SCUBE1: variants seen among roughly 807,000 people sequenced by gnomAD.
The protein encoded by SCUBE1 is signal peptide, CUB domain and EGF like domain containing 1.
Under a neutral mutation model 124.4 loss-of-function variants are expected in SCUBE1, and 59 were observed. The ratio of observed to expected loss-of-function variants is 0.47; its 90% CI spans 0.38 to 0.59. The LOEUF (loss-of-function observed/expected upper bound fraction) is 0.59, where lower values mean the gene tolerates loss of function less well. Ranked by LOEUF, SCUBE1 falls within the 20% of genes least tolerant of loss-of-function variation. The pLI, the probability that SCUBE1 is intolerant of heterozygous loss-of-function variation, is 0.00. For missense variants in SCUBE1, 1,150 were observed against 1,371.2 expected, an observed-to-expected ratio of 0.84 and a Z score of 2.55; for synonymous variants, 545 against 550.9, an observed-to-expected ratio of 0.99 and a Z score of 0.15.
intron 11 of SCUBE1, 89 bp downstream of exon 11, chr22:43,223,008 T>G: frequency 8.2e-6 from 12 of 1,468,070 alleles, no homozygotes; most frequent in Non-Finnish European, 1.1e-5. Flanking sequence ...TCAGACTCTT[T>G]CCTGGAGGAC....
intron 3 of SCUBE1, among the ~76,000 whole-genome samples, chr22:43,294,174 C>T (rs762702187): frequency 1.3e-5 from 2 of 152,256 alleles, no homozygotes; most frequent in Non-Finnish European, 2.9e-5. Flanking sequence ...GCACCCTTTT[C>T]CCACTGCGGT....
At chr22:43,205,817 C>T (rs1482902161) in intron 21 of SCUBE1, among the ~76,000 whole-genome samples, 9 of 92,414 alleles carry the variant, frequency 9.7e-5, no homozygotes, top group Admixed American at 1.0e-4. Context: ...CACCCACTCA[C>T]CACTCACCCC....
Position 43,255,974 on chromosome 22 carries a change from G to A in SCUBE1, c.727+2245C>T, listed in dbSNP as rs972981573. Among the ~76,000 whole-genome samples, 2 of 152,160 alleles carry A rather than the reference G, an allele frequency of 1.3e-5. No individual in the cohort carries two copies. The highest frequency in any genetic ancestry group is 6.5e-5 in the Admixed American group (1 of 15,278). On this transcript the variant is annotated intron_variant, in intron 6 of 21. Transcript: ENST00000360835. This position sits in a 1 kb window ranked among gnomAD's most constrained non-coding sequence, Gnocchi z 4.7. ...GAGACACAAGTGATTACAGACCCCC[G>A]TGGCTCAGGCTGGAGAGGCAGGCAC...
At chr22:43,306,960 G>A (rs1326576464) in intron 3 of SCUBE1, among the ~76,000 whole-genome samples, 2 of 152,134 alleles carry the variant, frequency 1.3e-5, no homozygotes, top group Admixed American at 6.5e-5. Flanking sequence ...TGACCCCCAC[G>A]GCAGGTCTGT....
intron 19 of SCUBE1, among the ~76,000 whole-genome samples, chr22:43,208,477 TC>T (rs2146651897): frequency 6.6e-6 from 1 of 152,104 alleles, no homozygotes; most frequent in Non-Finnish European, 1.5e-5. Flanking sequence ...TCTCCCCCCA[TC>T]CCCTCCCAAG....
intron 3 of SCUBE1, among the ~76,000 whole-genome samples, chr22:43,305,209 G>A (rs1925923500): frequency 6.6e-6 from 1 of 152,190 alleles, no homozygotes; most frequent in Admixed American, 6.5e-5. Flanking sequence ...TCCACGCCCA[G>A]GTGACACTGG....
In SCUBE1 at chr22:43,291,054, C is replaced by T. The variant is rs763982453; in HGVS notation, c.476G>A (p.Arg159His). ...GCATAGGCTGTACTCACCATTGGAG[C>T]GGTGGATGCAGGTATGCTGGTTGTC... ...LSDNQHTCIHRSNEGMNCMNK... is the reference protein window; with the variant it reads ...LSDNQHTCIHHSNEGMNCMNK... The change falls in exon 4 of 22, where the codon CGC becomes CAC. Residue 159 changes from arginine to histidine, a missense_variant. Physicochemically the swap from Arg to His is conservative, Grantham distance 29. This residue lies in a region of SCUBE1 where 337 missense variants were observed against 482.1 expected (regional missense o/e 0.70). Transcript: ENST00000360835. 43 of 1,607,804 alleles carry T rather than the reference C, an allele frequency of 2.7e-5. No individual in the cohort carries two copies. Among genetic ancestry groups the T allele is most frequent in the Non-Finnish European group, 3.3e-5 (39 of 1,176,330 alleles).
chr22:43,218,362 T>C lies in SCUBE1; in HGVS notation c.1784A>G (p.Tyr595Cys), dbSNP rs1412768818. The C allele has an allele frequency of 6.2e-7, 1 of 1,613,360 alleles. No individual in the cohort carries two copies. The highest frequency in any genetic ancestry group is 8.5e-7 in the Non-Finnish European group (1 of 1,180,044). Residue 595 changes from tyrosine to cysteine, a missense_variant, in exon 15 of 22, where the codon TAT (tyrosine) becomes TGT (cysteine). Around this residue, in one of 3 missense-constraint regions of SCUBE1, gnomAD observed 757 missense variants for 840.9 expected, o/e 0.90. Transcript: ENST00000360835. ...LRKSIGRQQF[Y>C]VQVSGTEYEV... ...GTACTCAGTGCCTGAGACCTGGACA[T>C]AGAACTGCTGCCGGCCGATGGACTT...
At chr22:43,252,278 C>G (rs1923482492) in intron 6 of SCUBE1, among the ~76,000 whole-genome samples, 2 of 152,358 alleles carry the variant, frequency 1.3e-5, no homozygotes, top group Admixed American at 1.3e-4. Flanking sequence ...GAGGGCACTC[C>G]CCTCCCTCAC....
rs73886592 is a variant in SCUBE1, at chr22:43,312,836, C to T, written c.349+7101G>A. ...TCCCAAACTCACGGATAGATACAGG[C>T]GTGCATATCTAACACCCTACGACAA... On this transcript the variant is annotated intron_variant, in intron 3 of 21. Coordinates refer to ENST00000360835, the MANE Select transcript of SCUBE1 (RefSeq NM_173050.5). 6.0e-3 allele frequency among the ~76,000 whole-genome samples: 916 copies of T among 152,188 alleles called. 9 individuals carry two copies. Among genetic ancestry groups the T allele is most frequent in the African/African-American group, 0.021 (859 of 41,534 alleles).
At chr22:43,214,536 C>G (rs573197272) in intron 15 of SCUBE1, among the ~76,000 whole-genome samples, 1 of 152,330 alleles carries the variant, frequency 6.6e-6, no homozygotes, top group Admixed American at 6.5e-5. Context: ...TCCCCACCTC[C>G]CCCATACGTC....
intron 4 of SCUBE1, among the ~76,000 whole-genome samples, chr22:43,290,656 G>T (rs1460461456): frequency 6.6e-6 from 1 of 152,222 alleles, no homozygotes; most frequent in Non-Finnish European, 1.5e-5. Flanking sequence ...GTGCTGCCAG[G>T]CTCATGGAGA....
chr22:43,277,452 G>C (rs916171911), intron 4 of SCUBE1, among the ~76,000 whole-genome samples: 1 of 152,170 alleles, frequency 6.6e-6, no homozygotes, highest in Non-Finnish European at 1.5e-5. Context: ...CCTAGGCAGA[G>C]GGCAGCATGG....
At chr22:43,276,724 AGG>A (rs1389715293) in intron 4 of SCUBE1, among the ~76,000 whole-genome samples, 1 of 152,166 alleles carries the variant, frequency 6.6e-6, no homozygotes, top group Non-Finnish European at 1.5e-5. Context: ...GCTACGGTGT[AGG>A]GGGTGGGCAC....
At position 43,319,479 on chromosome 22, in the gene SCUBE1, C is replaced by T. The variant is rs573200676; in HGVS notation, c.349+458G>A. 6.1e-3 allele frequency among the ~76,000 whole-genome samples: 863 copies of T among 141,380 alleles called. 4 individuals are homozygous for T. Among genetic ancestry groups the T allele is most frequent in the African/African-American group, 0.022 (835 of 37,972 alleles). The allele number at this position is 141,380 out of a possible 152,430, so 92.8% of individuals were successfully genotyped here. On this transcript the variant is annotated intron_variant, in intron 3 of 21. Transcript: ENST00000360835. ...TTGGGAGGCTGAGGCAGGAGAATCA[C>T]TTGAACCCAGGAGGTGGAGGTTGCA...
chr22:43,239,066 C>A, intron 6 of SCUBE1, 112 bp from the exon 7 acceptor site: 1 of 809,778 alleles, frequency 1.2e-6, no homozygotes, highest in Non-Finnish European at 2.1e-6. Context: ...GGTTCAAGCT[C>A]TGGCTCTGAT....
chr22:43,315,778 T>A (rs1347206141), intron 3 of SCUBE1, among the ~76,000 whole-genome samples: 1 of 152,108 alleles, frequency 6.6e-6, no homozygotes, highest in African/African-American at 2.4e-5. Context: ...CCTTACCCAG[T>A]TCTTTTAAAT....
At chr22:43,304,852 C>A (rs1475814397) in intron 3 of SCUBE1, among the ~76,000 whole-genome samples, 3 of 152,262 alleles carry the variant, frequency 2.0e-5, no homozygotes, top group South Asian at 2.1e-4. Context: ...CCACCCCACA[C>A]CATCCCTTTG....
At chr22:43,281,407 TC>T (rs1416298844) in intron 4 of SCUBE1, among the ~76,000 whole-genome samples, 3 of 69,370 alleles carry the variant, frequency 4.3e-5, no homozygotes, top group African/African-American at 1.2e-4. Context: ...TCCTGTCACC[TC>T]CCTCAGCCAT....
Sources: gnomAD v4.1 joint callset for allele counts (sites outside exome capture counted in the v4.1 genomes callset) on GRCh38, gnomAD v4.1.1 for gene constraint, gnomAD v4.1.1 regional missense constraint, Gnocchi (gnomAD v3.1) non-coding constraint, MANE v1.5 for transcripts, NCBI Gene and HGNC (gene_info 2026-07-23, HGNC 2026-07-21) for gene names.